The following ESRRG variants were observed in gnomAD, a reference collection of about 807,000 sequenced individuals.
ESRRG encodes estrogen related receptor gamma.
Under a neutral mutation model 44.0 loss-of-function variants are expected in ESRRG, and 13 were observed. The ratio of observed to expected loss-of-function variants is 0.30; its 90% CI spans 0.19 to 0.47. ESRRG has a LOEUF of 0.47. Ranked by LOEUF, ESRRG falls within the 20% of genes least tolerant of loss-of-function variation. The pLI, the probability that ESRRG is intolerant of heterozygous loss-of-function variation, is 1.00. For missense variants in ESRRG, 395 were observed against 580.6 expected (o/e 0.68, Z 3.29); for synonymous variants, 215 against 214.6 (o/e 1.00, Z -0.02).
intron 1 of ESRRG, among the ~76,000 whole-genome samples, chr1:217,056,909 C>T (rs1558138385): frequency 2.0e-5 from 3 of 151,970 alleles, no homozygotes; most frequent in Admixed American, 6.6e-5. Context: ...CAAGAGAACC[C>T]AGAAGAGCTA....
At chr1:216,511,242 A>G (rs899099343) in intron 6 of ESRRG, among the ~76,000 whole-genome samples, 2 of 152,150 alleles carry the variant, frequency 1.3e-5, no homozygotes, top group African/African-American at 4.8e-5. Flanking sequence ...AGAGAAGTGG[A>G]AAAAGGTCTA....
intron 5 of ESRRG, among the ~76,000 whole-genome samples, chr1:216,552,714 A>G (rs187985550): frequency 6.0e-4 from 91 of 152,304 alleles, no homozygotes; most frequent in African/African-American, 2.0e-3. Context: ...ACAAAGGTCT[A>G]GCAAATTATC....
intron 2 of ESRRG, among the ~76,000 whole-genome samples, chr1:216,874,192 T>A (rs920514477): frequency 6.6e-6 from 1 of 152,138 alleles, no homozygotes; most frequent in Non-Finnish European, 1.5e-5. Context: ...AGGGGAACAA[T>A]GATAAACTCA....
chr1:217,052,970 T>A (rs1310002397), intron 1 of ESRRG, among the ~76,000 whole-genome samples: 1 of 151,994 alleles, frequency 6.6e-6, no homozygotes, highest in Non-Finnish European at 1.5e-5. Flanking sequence ...GTACCTTGCT[T>A]TCAACTTCCT....
chr1:217,110,391 T>C (rs1229001368), intron 1 of ESRRG, among the ~76,000 whole-genome samples: 2 of 152,158 alleles, frequency 1.3e-5, no homozygotes, highest in South Asian at 2.1e-4. Context: ...CTCACAACCA[T>C]AGCAAACCAT....
At chr1:217,060,348 G>A (rs2088096177) in intron 1 of ESRRG, among the ~76,000 whole-genome samples, 1 of 152,088 alleles carries the variant, frequency 6.6e-6, no homozygotes, top group Non-Finnish European at 1.5e-5. Flanking sequence ...AAGTCATATT[G>A]TGAAGGTTCA....
At chr1:216,842,864 C>T (rs956843700) in intron 2 of ESRRG, among the ~76,000 whole-genome samples, 1 of 152,156 alleles carries the variant, frequency 6.6e-6, no homozygotes, top group African/African-American at 2.4e-5. Flanking sequence ...TGTGATCTGA[C>T]ATACACAAAT....
At chr1:217,048,529 G>C (rs2085311491) in intron 1 of ESRRG, among the ~76,000 whole-genome samples, 1 of 152,096 alleles carries the variant, frequency 6.6e-6, no homozygotes, top group Non-Finnish European at 1.5e-5. Flanking sequence ...CAGCAGTGAG[G>C]ACCCAGAAGT....
intron 1 of ESRRG, among the ~76,000 whole-genome samples, chr1:217,084,252 A>C (rs997890785): frequency 7.2e-5 from 11 of 152,172 alleles, no homozygotes; most frequent in African/African-American, 2.7e-4. Flanking sequence ...CTTAAGGAAG[A>C]AAGTGCAATA....
intron 3 of ESRRG, among the ~76,000 whole-genome samples, chr1:216,632,123 A>G (rs921279772): frequency 1.3e-5 from 2 of 152,238 alleles, no homozygotes; most frequent in East Asian, 1.9e-4. Context: ...GTGTACTACT[A>G]TGTCATTTAA....
At chr1:216,830,386 G>C (rs1386644349) in intron 2 of ESRRG, among the ~76,000 whole-genome samples, 1 of 152,166 alleles carries the variant, frequency 6.6e-6, no homozygotes, top group East Asian at 1.9e-4. Context: ...AATAATTTAT[G>C]CCCAAGGCAC....
chr1:216,918,677 T>C (rs1392911430), intron 2 of ESRRG, among the ~76,000 whole-genome samples: 1 of 151,996 alleles, frequency 6.6e-6, no homozygotes, highest in East Asian at 1.9e-4. Context: ...ATTTCAGTGA[T>C]AAACTGATTG....
At chr1:217,102,986 G>A (rs1324004471) in intron 1 of ESRRG, among the ~76,000 whole-genome samples, 1 of 152,104 alleles carries the variant, frequency 6.6e-6, no homozygotes, top group Middle Eastern at 3.2e-3. Context: ...TTGGCAGAGG[G>A]GAAATATGAA....
chr1:216,979,272 G>C (rs1323605420), intron 1 of ESRRG, among the ~76,000 whole-genome samples: 1 of 152,132 alleles, frequency 6.6e-6, no homozygotes, highest in South Asian at 2.1e-4. Context: ...ATTCAGGATT[G>C]GCTTTAAGGG....
chr1:216,983,523 A>T (rs1188105809), intron 1 of ESRRG, among the ~76,000 whole-genome samples: 1 of 151,982 alleles, frequency 6.6e-6, no homozygotes, highest in Non-Finnish European at 1.5e-5. Context: ...TGATGTACTG[A>T]TTTTTTTGGT....
intron 2 of ESRRG, among the ~76,000 whole-genome samples, chr1:216,814,882 T>C (rs2148517058): frequency 6.6e-6 from 1 of 152,330 alleles, no homozygotes; most frequent in Non-Finnish European, 1.5e-5. Flanking sequence ...ATTTTAGCTG[T>C]GAGGAGATAC....
chr1:217,066,091 C>A (rs1490060275), intron 1 of ESRRG, among the ~76,000 whole-genome samples: 2 of 152,184 alleles, frequency 1.3e-5, no homozygotes, highest in Non-Finnish European at 2.9e-5. Flanking sequence ...AGTAAGCTCT[C>A]TATAAGTCGT....
intron 2 of ESRRG, among the ~76,000 whole-genome samples, chr1:216,913,111 CAAAAAAAAAAAAA>C: frequency 1.6e-5 from 1 of 62,790 alleles, no homozygotes; most frequent in South Asian, 5.1e-4. Flanking sequence ...GACTCTGTCT[CAAAAAAAAAAAAA>C]AAAAAAAAGG....
At chr1:216,805,725 T>C (rs1038744355) in intron 2 of ESRRG, among the ~76,000 whole-genome samples, 2 of 152,128 alleles carry the variant, frequency 1.3e-5, no homozygotes, top group Middle Eastern at 3.4e-3. Flanking sequence ...GAACACTGTT[T>C]TGTAATTGGA....
Sources: allele counts gnomAD v4.1 joint callset (sites outside exome capture counted in the v4.1 genomes callset), GRCh38; gene constraint gnomAD v4.1.1; transcripts MANE v1.5; gene names NCBI Gene and HGNC (gene_info 2026-07-23, HGNC 2026-07-21).